MAP3K19: variants seen among roughly 807,000 people sequenced by gnomAD.
The protein encoded by MAP3K19 is SPS1/STE20-related protein kinase YSK4.
A neutral mutation model predicts 114.4 loss-of-function variants in MAP3K19; 91 were observed. The observed-to-expected ratio is 0.80, with a 90% CI of 0.67 to 0.95. The LOEUF (loss-of-function observed/expected upper bound fraction) is 0.95, where lower values mean the gene tolerates loss of function less well. MAP3K19 is among the 40% of genes least tolerant of loss of function. MAP3K19 has a pLI of 0.00. For synonymous variants in MAP3K19, 518 were observed against 530.5 expected (o/e 0.98, Z 0.32); for missense variants, 1,471 against 1,573.2 (o/e 0.94, Z 1.10).
intron 11 of MAP3K19, among the ~76,000 whole-genome samples, chr2:134,982,096 G>A (rs1169014016): frequency 1.4e-5 from 2 of 143,746 alleles, no homozygotes; most frequent in African/African-American, 5.1e-5. Context: ...TAGAGCCACC[G>A]TGCTACCTTT....
chr2:134,995,058 T>C (rs1338917605), intron 8 of MAP3K19, among the ~76,000 whole-genome samples: 1 of 152,080 alleles, frequency 6.6e-6, no homozygotes, highest in Non-Finnish European at 1.5e-5. Flanking sequence ...AAGCCTGTAA[T>C]CCCAACACTT....
Position 134,981,064 on chromosome 2 carries a change from G to A in MAP3K19, c.3677C>T (p.Ser1226Phe), listed in dbSNP as rs990443094. 1.2e-6 allele frequency: 2 copies of A among 1,614,204 alleles called. No individual in the cohort carries two copies. The highest frequency in any genetic ancestry group is 1.1e-5 in the South Asian group (1 of 91,076). Residue 1226 changes from serine (S) to phenylalanine (F), a missense_variant, in exon 12 of 13, where the codon TCC becomes TTC. Physicochemically the swap from Ser to Phe is radical, Grantham distance 155. Transcript: ENST00000392915. ...CATCCAATATGGAGTCCCATGCATG[G>A]ACTTAAGCATGTCACTGTGGGTGCC... ...LNGTHSDMLK[S>F]MHGTPYWMAP...
chr2:135,042,616 A>G (rs1028898610), intron 1 of MAP3K19, among the ~76,000 whole-genome samples: 2 of 152,166 alleles, frequency 1.3e-5, no homozygotes, highest in South Asian at 2.1e-4. Flanking sequence ...AAGGACAGGC[A>G]TGAACTCAGG....
At chr2:135,044,932 C>T (rs1688710785) in intron 1 of MAP3K19, among the ~76,000 whole-genome samples, 1 of 152,142 alleles carries the variant, frequency 6.6e-6, no homozygotes, top group South Asian at 2.1e-4. Flanking sequence ...TATTTGTTAA[C>T]ACTTTGCTTT....
chr2:135,012,208 T>C (rs970784528), intron 5 of MAP3K19, among the ~76,000 whole-genome samples: 2 of 152,008 alleles, frequency 1.3e-5, no homozygotes, highest in African/African-American at 4.8e-5. Context: ...GTGTGTCTGA[T>C]AGGATGTTTA....
intron 12 of MAP3K19, among the ~76,000 whole-genome samples, chr2:134,974,497 C>G (rs934048045): frequency 1.3e-5 from 2 of 152,144 alleles, no homozygotes; most frequent in Non-Finnish European, 2.9e-5. Context: ...TAGGTTGTAT[C>G]TATTTGTGGA....
At chr2:135,027,660 G>A (rs1056254573) in intron 3 of MAP3K19, among the ~76,000 whole-genome samples, 2 of 152,176 alleles carry the variant, frequency 1.3e-5, no homozygotes, top group African/African-American at 4.8e-5. Flanking sequence ...TGTTGGTTTG[G>A]GAAATTTATA....
At chr2:135,041,805 GT>G (rs1238962349) in intron 1 of MAP3K19, among the ~76,000 whole-genome samples, 1 of 152,154 alleles carries the variant, frequency 6.6e-6, no homozygotes, top group African/African-American at 2.4e-5. Flanking sequence ...TCATTTCATA[GT>G]ATAAGTTTGT....
intron 12 of MAP3K19, among the ~76,000 whole-genome samples, chr2:134,968,597 GCGGTTGC>G (rs1683596138): frequency 6.6e-6 from 1 of 151,318 alleles, no homozygotes; most frequent in Admixed American, 6.6e-5. Context: ...CTCAGACGGG[GCGGTTGC>G]CAGGCAGAGG....
intron 8 of MAP3K19, among the ~76,000 whole-genome samples, chr2:134,992,396 T>C (rs889652010): frequency 1.3e-5 from 2 of 152,264 alleles, no homozygotes; most frequent in South Asian, 4.2e-4. Context: ...TGTTCTCTTC[T>C]TACCAAAAAG....
At chr2:134,996,711 G>A (rs145389953) in intron 8 of MAP3K19, among the ~76,000 whole-genome samples, 4 of 152,284 alleles carry the variant, frequency 2.6e-5, no homozygotes, top group Non-Finnish European at 2.9e-5. Context: ...ATCATGCTGC[G>A]AAGGAAGAGT....
intron 12 of MAP3K19, among the ~76,000 whole-genome samples, chr2:134,968,547 C>T (rs1683584533): frequency 6.6e-6 from 1 of 150,516 alleles, no homozygotes; most frequent in African/African-American, 2.5e-5. Flanking sequence ...CTCCTCACTT[C>T]CCAGACGGGG....
intron 5 of MAP3K19, among the ~76,000 whole-genome samples, chr2:135,012,534 CACTTAATTTTT>C (rs1301404079): frequency 6.6e-6 from 1 of 152,106 alleles, no homozygotes; most frequent in African/African-American, 2.4e-5. Context: ...TTTTAATTTT[CACTTAATTTTT>C]ATCAAAATTA....
chr2:134,998,385 G>C (rs1164641403), intron 8 of MAP3K19, among the ~76,000 whole-genome samples: 1 of 152,160 alleles, frequency 6.6e-6, no homozygotes, highest in Non-Finnish European at 1.5e-5. Flanking sequence ...AAATTATCAA[G>C]TATAGTTTAC....
chr2:135,035,230 CTA>C (rs1688501395), intron 2 of MAP3K19, among the ~76,000 whole-genome samples: 1 of 152,170 alleles, frequency 6.6e-6, no homozygotes, highest in Non-Finnish European at 1.5e-5. Context: ...AACCCTGTCT[CTA>C]CAAAAAATAC....
intron 5 of MAP3K19, 138 bp from the exon 6 acceptor site, chr2:135,005,669 A>C (rs572321001): frequency 9.3e-6 from 6 of 647,110 alleles, no homozygotes; most frequent in African/African-American, 9.1e-5. Flanking sequence ...TTTAGGACTA[A>C]AATAATAAGA....
intron 5 of MAP3K19, among the ~76,000 whole-genome samples, chr2:135,006,346 A>G (rs1017859360): frequency 1.3e-5 from 2 of 152,174 alleles, no homozygotes; most frequent in Non-Finnish European, 2.9e-5. Context: ...CTACCTATTT[A>G]AGGGGACTGA....
chr2:135,019,713 T>C (rs953534011), intron 5 of MAP3K19, among the ~76,000 whole-genome samples: 1 of 152,108 alleles, frequency 6.6e-6, no homozygotes, highest in Admixed American at 6.5e-5. Context: ...AGTAGTAGGA[T>C]CTTTATTTGG....
In MAP3K19 at chr2:134,984,160, G is replaced by A. The variant is rs528767678; in HGVS notation, c.3073-335C>T. 1.4e-4 allele frequency among the ~76,000 whole-genome samples: 22 copies of A among 152,260 alleles called. No individual in the cohort carries two copies. In the South Asian group the frequency reaches 4.6e-3, roughly 32 times the overall value. On this transcript the variant is annotated intron_variant, in intron 10 of 12. Coordinates refer to ENST00000392915, the MANE Select transcript of MAP3K19 (RefSeq NM_025052.5). ...CTTTCACAAGGTCCCTATCATGACA[G>A]AATATGTTAGTGTGTGCCATCTCCT...
Sources: gnomAD v4.1 joint callset for allele counts (sites outside exome capture counted in the v4.1 genomes callset) on GRCh38, gnomAD v4.1.1 for gene constraint, MANE v1.5 for transcripts, NCBI Gene and HGNC (gene_info 2026-07-23, HGNC 2026-07-21) for gene names.